The following COX7B2 variants were observed in gnomAD, a reference collection of about 807,000 sequenced individuals.
The protein encoded by COX7B2 is cytochrome c oxidase subunit 7B2.
For synonymous variants in COX7B2, 37 were observed against 32.1 expected, an observed-to-expected ratio of 1.15 and a Z score of -0.51; for missense variants, 109 against 95.9, an observed-to-expected ratio of 1.14 and a Z score of -0.57.
At chr4:46,827,931 A>G (rs1467988737) in intron 2 of COX7B2, among the ~76,000 whole-genome samples, 1 of 152,174 alleles carries the variant, frequency 6.6e-6, no homozygotes, top group Non-Finnish European at 1.5e-5. Flanking sequence ...TGGGACTGGG[A>G]TCAAAGGCAG....
intron 2 of COX7B2, among the ~76,000 whole-genome samples, chr4:46,833,779 A>G (rs1475657661): frequency 1.3e-5 from 2 of 152,222 alleles, no homozygotes; most frequent in African/African-American, 4.8e-5. Context: ...GCTTTTGTAA[A>G]TATTAATCTT....
rs145598228 is a variant in COX7B2, at chr4:46,783,314, A to C, written c.-49-48073T>G. On this transcript the variant is annotated intron_variant, in intron 2 of 2. Coordinates refer to ENST00000355591, the MANE Select transcript of COX7B2 (RefSeq NM_130902.3). ...GACTACAGATTGCTCACTTTTGTAA[A>C]ATGGAAAAAGGCCAGTGTAATTGAC... is the stretch of plus-strand genomic sequence containing the variant. Among the ~76,000 whole-genome samples, 185 of 152,328 alleles carry C rather than the reference A, an allele frequency of 1.2e-3. 1 individual carries two copies. Among genetic ancestry groups the C allele is most frequent in the African/African-American group, 4.2e-3 (175 of 41,584 alleles).
chr4:46,781,761 C>T (rs1717466080), intron 2 of COX7B2, among the ~76,000 whole-genome samples: 1 of 152,220 alleles, frequency 6.6e-6, no homozygotes, highest in Non-Finnish European at 1.5e-5. Context: ...CTCAGCAGGC[C>T]CCACCCTTGG....
At chr4:46,805,779 G>T (rs1182740794) in intron 2 of COX7B2, among the ~76,000 whole-genome samples, 3 of 151,910 alleles carry the variant, frequency 2.0e-5, no homozygotes, top group African/African-American at 7.3e-5. Flanking sequence ...ACTCCCTCCT[G>T]CTTCTATTAG....
At chr4:46,792,690 G>A (rs1718115526) in intron 2 of COX7B2, among the ~76,000 whole-genome samples, 2 of 152,138 alleles carry the variant, frequency 1.3e-5, no homozygotes, top group Non-Finnish European at 2.9e-5. Flanking sequence ...AAAGTCATGT[G>A]AGACAATTCC....
chr4:46,877,282 T>A (rs910880860), intron 1 of COX7B2, among the ~76,000 whole-genome samples: 2 of 152,212 alleles, frequency 1.3e-5, no homozygotes, highest in Non-Finnish European at 2.9e-5. Flanking sequence ...TGAGGTTTCA[T>A]AGCCAAATTC....
chr4:46,816,500 T>C (rs1719557107), intron 2 of COX7B2, among the ~76,000 whole-genome samples: 1 of 152,222 alleles, frequency 6.6e-6, no homozygotes, highest in Admixed American at 6.5e-5. Flanking sequence ...TTCTGTATTA[T>C]AGTTATTTAT....
At chr4:46,899,030 T>C (rs1719929739) in intron 1 of COX7B2, among the ~76,000 whole-genome samples, 1 of 152,170 alleles carries the variant, frequency 6.6e-6, no homozygotes, top group Non-Finnish European at 1.5e-5. Context: ...TAACAAATTA[T>C]GTTCAAGAAA....
rs35024713 is a variant in COX7B2 at position 46,907,848 on chromosome 4, CTTTTTTTTTT to C, written c.-105+1302_-105+1311del. ...TATAAAAGATCAGAATTTGAGCAGA[CTTTTTTTTTT>C]TTTTTTTTTTTTTTGAGACGGAGTC... On this transcript the variant is annotated intron_variant, in intron 1 of 2. Coordinates refer to ENST00000355591, the MANE Select transcript of COX7B2 (RefSeq NM_130902.3). Among the ~76,000 whole-genome samples, 38 of 59,726 alleles carry C rather than the reference CTTTTTTTTTT, an allele frequency of 6.4e-4. 2 individuals carry two copies. The East Asian group carries it at 0.024, about 37-fold the overall frequency. The allele number at this position is 59,726 out of a possible 152,430, so 39.2% of individuals were successfully genotyped here.
In COX7B2 at chr4:46,881,005, A is replaced by AT. The variant is rs1560435049; in HGVS notation, c.-105+28154_-105+28155insA. Among the ~76,000 whole-genome samples, 339 of 151,534 alleles carry AT rather than the reference A, an allele frequency of 2.2e-3. 1 individual carries two copies. Among genetic ancestry groups the AT allele is most frequent in the African/African-American group, 7.8e-3 (322 of 41,386 alleles). On this transcript the variant is annotated intron_variant, in intron 1 of 2. Transcript: ENST00000355591. The stretch of plus-strand genomic sequence containing the variant: ...ACTTAGAGTATAATAAAAAAAAAAA[A>AT]AAAAAACTCTTGGATTCATTGATCT...
At chr4:46,817,558 A>G (rs1719620297) in intron 2 of COX7B2, among the ~76,000 whole-genome samples, 1 of 152,216 alleles carries the variant, frequency 6.6e-6, no homozygotes, top group Non-Finnish European at 1.5e-5. Context: ...TTAATTTGTT[A>G]TCTAACTTTA....
At chr4:46,835,486 T>C (rs867003338) in intron 2 of COX7B2, among the ~76,000 whole-genome samples, 6 of 151,674 alleles carry the variant, frequency 4.0e-5, no homozygotes, top group Non-Finnish European at 7.4e-5. Flanking sequence ...TCGAGAATCA[T>C]GGTGGAAGAA....
At chr4:46,845,568 T>C (rs1246500229) in intron 1 of COX7B2, among the ~76,000 whole-genome samples, 1 of 152,004 alleles carries the variant, frequency 6.6e-6, no homozygotes, top group African/African-American at 2.4e-5. Context: ...AAATGATACA[T>C]TTATTTACTA....
At chr4:46,864,046 C>T (rs867350997) in intron 1 of COX7B2, among the ~76,000 whole-genome samples, 6 of 152,134 alleles carry the variant, frequency 3.9e-5, no homozygotes, top group African/African-American at 1.4e-4. Flanking sequence ...TCAAAAGGCC[C>T]TTCAAGAATA....
chr4:46,830,058 G>A (rs1560407491), intron 2 of COX7B2, among the ~76,000 whole-genome samples: 1 of 152,104 alleles, frequency 6.6e-6, no homozygotes, highest in Non-Finnish European at 1.5e-5. Flanking sequence ...GGGCGCGGTG[G>A]CTCACGCATG....
chr4:46,884,363 T>C (rs942028577), intron 1 of COX7B2, among the ~76,000 whole-genome samples: 2 of 152,228 alleles, frequency 1.3e-5, no homozygotes, highest in African/African-American at 4.8e-5. Flanking sequence ...AGACTGCATT[T>C]CCTTTTTAAG....
chr4:46,858,491 A>C lies in COX7B2; in HGVS notation c.-104-13477T>G, dbSNP rs184595591. 1.6e-3 allele frequency among the ~76,000 whole-genome samples: 247 copies of C among 152,280 alleles called. 1 individual carries two copies. The highest frequency in any genetic ancestry group is 3.0e-3 in the Non-Finnish European group (203 of 68,030). ...TCATGAAAATATTAGTTTTATATTT[A>C]ATACATTTTAAACATTAGGAAAAAA... On this transcript the variant is annotated intron_variant, in intron 1 of 2. Coordinates refer to ENST00000355591, the MANE Select transcript of COX7B2 (RefSeq NM_130902.3).
intron 2 of COX7B2, among the ~76,000 whole-genome samples, chr4:46,770,835 T>A (rs1338300425): frequency 6.6e-6 from 1 of 152,126 alleles, no homozygotes; most frequent in African/African-American, 2.4e-5. Flanking sequence ...CAAAAGGGAT[T>A]AAAGACTTAA....
intron 2 of COX7B2, among the ~76,000 whole-genome samples, chr4:46,829,074 C>T (rs906874094): frequency 2.0e-4 from 31 of 152,002 alleles, no homozygotes; most frequent in African/African-American, 6.8e-4. Context: ...TTGAGATTAC[C>T]GTCTTTCTGC....
Sources: allele counts gnomAD v4.1 joint callset (sites outside exome capture counted in the v4.1 genomes callset), GRCh38; gene constraint gnomAD v4.1.1; transcripts MANE v1.5; gene names NCBI Gene and HGNC (gene_info 2026-07-23, HGNC 2026-07-21).